SLC24A3: variants seen among roughly 807,000 people sequenced by gnomAD.
SLC24A3 encodes solute carrier family 24 member 3.
A neutral mutation model predicts 75.8 loss-of-function variants in SLC24A3; 28 were observed. The ratio of observed to expected loss-of-function variants is 0.37; its 90% CI spans 0.27 to 0.51. The LOEUF (loss-of-function observed/expected upper bound fraction) is 0.51, where lower values mean the gene tolerates loss of function less well. Ranked by LOEUF, SLC24A3 falls within the 20% of genes least tolerant of loss-of-function variation. The pLI, the probability that SLC24A3 is intolerant of heterozygous loss-of-function variation, is 0.94. For missense variants in SLC24A3, 663 were observed against 847.8 expected, an observed-to-expected ratio of 0.78 and a Z score of 2.71; for synonymous variants, 372 against 334.1, an observed-to-expected ratio of 1.11 and a Z score of -1.24.
chr20:19,647,405 A>T (rs1300938212), intron 6 of SLC24A3, among the ~76,000 whole-genome samples: 1 of 152,230 alleles, frequency 6.6e-6, no homozygotes, highest in Non-Finnish European at 1.5e-5. Context: ...CATTTATTCA[A>T]CAAATTTGTA....
At chr20:19,577,088 T>G (rs1208233024) in intron 3 of SLC24A3, among the ~76,000 whole-genome samples, 1 of 151,798 alleles carries the variant, frequency 6.6e-6, no homozygotes, top group Admixed American at 6.6e-5. Context: ...AGAGTCTCAC[T>G]CTGTCGCCGA....
chr20:19,213,923 G>A (rs1465342212), intron 1 of SLC24A3, among the ~76,000 whole-genome samples: 1 of 152,164 alleles, frequency 6.6e-6, no homozygotes, highest in East Asian at 1.9e-4. Context: ...GCCATGTAAA[G>A]GGTTGTGAGA....
intron 2 of SLC24A3, among the ~76,000 whole-genome samples, chr20:19,488,842 G>C (rs541855692): frequency 6.6e-6 from 1 of 152,206 alleles, no homozygotes; most frequent in Non-Finnish European, 1.5e-5. Context: ...TTTTGCACAT[G>C]AAACAAAGTT....
intron 2 of SLC24A3, among the ~76,000 whole-genome samples, chr20:19,509,930 G>T (rs1988512664): frequency 6.6e-6 from 1 of 152,216 alleles, no homozygotes; most frequent in African/African-American, 2.4e-5. Context: ...CCCAATTGAG[G>T]ACACTTTTCT....
At chr20:19,321,242 A>G (rs1011004708) in intron 2 of SLC24A3, among the ~76,000 whole-genome samples, 3 of 152,200 alleles carry the variant, frequency 2.0e-5, no homozygotes, top group African/African-American at 7.2e-5. Flanking sequence ...CCACAGTGTC[A>G]TTATCACACT....
Position 19,365,754 on chromosome 20 carries a change from T to A in SLC24A3, c.271+84667T>A, listed in dbSNP as rs78694710. Among the ~76,000 whole-genome samples, 80 of 152,304 alleles carry A rather than the reference T, an allele frequency of 5.3e-4. 1 individual carries two copies. Among genetic ancestry groups the A allele is most frequent in the Non-Finnish European group, 1.0e-3 (69 of 68,006 alleles). On this transcript the variant is annotated intron_variant, in intron 2 of 16. Transcript: ENST00000328041. The stretch of plus-strand genomic sequence containing the variant: ...AGGGTAGAGCTACCTCCAGCCTCAC[T>A]GCCCCCAGCCCATCTCTGAGGCTCC...
intron 2 of SLC24A3, among the ~76,000 whole-genome samples, chr20:19,488,904 A>C (rs1431730817): frequency 1.3e-5 from 2 of 152,200 alleles, no homozygotes; most frequent in African/African-American, 4.8e-5. Flanking sequence ...CAGCCCACCA[A>C]TGTGGCATTA....
chr20:19,650,492 A>G (rs1329572386), intron 6 of SLC24A3, among the ~76,000 whole-genome samples: 2 of 152,194 alleles, frequency 1.3e-5, no homozygotes, highest in African/African-American at 4.8e-5. Flanking sequence ...TTCTAAGGCA[A>G]CTGCTTTCCA....
Position 19,419,879 on chromosome 20 carries a change from C to T in SLC24A3, c.272-95609C>T, listed in dbSNP as rs977687378. Among the ~76,000 whole-genome samples, 7 of 138,872 alleles carry T rather than the reference C, an allele frequency of 5.0e-5. No individual in the cohort carries two copies. The Admixed American group carries it at 5.1e-4, about 10-fold the overall frequency. 91.1% of individuals were successfully genotyped at this position (138,872 alleles called of 152,430 possible). A position where few individuals can be genotyped will look rare whatever the true frequency, so the allele number is the denominator to read the frequency against. ...TTTTAGGGTACATGTGCACATTGTGCAGGTTAGTTACATATGTATACATGT... is the reference window on the plus strand; with the variant it reads ...TTTTAGGGTACATGTGCACATTGTGTAGGTTAGTTACATATGTATACATGT... On this transcript the variant is annotated intron_variant, in intron 2 of 16. Transcript: ENST00000328041.
At chr20:19,417,951 C>T (rs544323466) in intron 2 of SLC24A3, among the ~76,000 whole-genome samples, 1 of 152,148 alleles carries the variant, frequency 6.6e-6, no homozygotes, top group Non-Finnish European at 1.5e-5. Flanking sequence ...TTGGGAGAAA[C>T]CAATCTGCTC....
At chr20:19,440,844 C>T in intron 2 of SLC24A3, among the ~76,000 whole-genome samples, 1 of 151,852 alleles carries the variant, frequency 6.6e-6, no homozygotes, top group East Asian at 1.9e-4. Flanking sequence ...GGTGGAGGGC[C>T]CTGGGTGAGG....
At chr20:19,333,831 C>T (rs538154393) in intron 2 of SLC24A3, among the ~76,000 whole-genome samples, 40 of 152,230 alleles carry the variant, frequency 2.6e-4, no homozygotes, top group Non-Finnish European at 4.3e-4. Context: ...CTCCACCACA[C>T]ATGACTTGGT....
In SLC24A3 at chr20:19,440,474, C is replaced by T. The variant is rs983029848; in HGVS notation, c.272-75014C>T. 5.3e-5 allele frequency among the ~76,000 whole-genome samples: 8 copies of T among 152,272 alleles called. No homozygotes were observed. In the East Asian group the frequency reaches 5.8e-4, roughly 11 times the overall value. On this transcript the variant is annotated intron_variant, in intron 2 of 16. Transcript: ENST00000328041. Reference sequence around the variant, plus strand: ...CAGAAAAGTAATACCCCAGCCCCTACGGTGTTTCCTAGCAAGGGACAAACT... The same window carrying T: ...CAGAAAAGTAATACCCCAGCCCCTATGGTGTTTCCTAGCAAGGGACAAACT...
chr20:19,543,584 G>A (rs1160100012), intron 3 of SLC24A3, among the ~76,000 whole-genome samples: 1 of 152,132 alleles, frequency 6.6e-6, no homozygotes, highest in Non-Finnish European at 1.5e-5. Flanking sequence ...CTGCATGAGA[G>A]GTCTCCCCAC....
chr20:19,357,673 A>G (rs961304941), intron 2 of SLC24A3, among the ~76,000 whole-genome samples: 4 of 152,090 alleles, frequency 2.6e-5, no homozygotes, highest in African/African-American at 9.7e-5. Flanking sequence ...AAAAGTCCTT[A>G]CTGTCCTGAA....
In SLC24A3 at chr20:19,341,641, C is replaced by T. The variant is rs535518078; in HGVS notation, c.271+60554C>T. Among the ~76,000 whole-genome samples, 3 of 152,316 alleles carry T rather than the reference C, an allele frequency of 2.0e-5. No homozygotes were observed. In the East Asian group the frequency reaches 5.8e-4, roughly 29 times the overall value. ...CTTCACTCAGCAACTGGGCACAGCT[C>T]CCAGCCACCCAGGAACGCTAATTTG... On this transcript the variant is annotated intron_variant, in intron 2 of 16. Transcript: ENST00000328041.
In SLC24A3 at chr20:19,403,083, G is replaced by A. The variant is rs146600036; in HGVS notation, c.272-112405G>A. ...ATTCCCCCAGGTAATGTGAGATGTCGTGAAGGAGCCACTGGCCTCCTATTT... is the reference window on the plus strand; with the variant it reads ...ATTCCCCCAGGTAATGTGAGATGTCATGAAGGAGCCACTGGCCTCCTATTT... On this transcript the variant is annotated intron_variant, in intron 2 of 16. Transcript: ENST00000328041. Among the ~76,000 whole-genome samples the A allele has an allele frequency of 4.5e-3, 691 of 152,294 alleles. 6 individuals are homozygous for A. The highest frequency in any genetic ancestry group is 0.015 in the African/African-American group (644 of 41,550).
rs562826679 is a variant in SLC24A3 at position 19,585,504 on chromosome 20, T to G, written c.572T>G (p.Ile191Ser). 6.2e-7 allele frequency: 1 copy of G among 1,614,154 alleles called. No homozygotes were observed. Among genetic ancestry groups the G allele is most frequent in the African/African-American group, 1.3e-5 (1 of 75,044 alleles). Reference sequence around the variant, plus strand: ...ATCGTGGGCTCAGCGGTATTCAACATCCTGTGCATCATTGGTGTCTGTGGG... The same window carrying G: ...ATCGTGGGCTCAGCGGTATTCAACAGCCTGTGCATCATTGGTGTCTGTGGG... Reference protein sequence around the residue: ...GTIVGSAVFNILCIIGVCGLF... With the variant: ...GTIVGSAVFNSLCIIGVCGLF... Residue 191 changes from isoleucine to serine, a missense_variant, in exon 6 of 17, where the codon ATC becomes AGC. Around this residue, in one of 2 missense-constraint regions of SLC24A3, gnomAD observed 510 missense variants for 703.6 expected, o/e 0.72. Transcript: ENST00000328041.
At chr20:19,503,723 T>C (rs1255340534) in intron 2 of SLC24A3, among the ~76,000 whole-genome samples, 1 of 152,236 alleles carries the variant, frequency 6.6e-6, no homozygotes, top group African/African-American at 2.4e-5. Context: ...TGTCTGCTTA[T>C]TTATGTCTTC....
Sources: gnomAD v4.1 joint callset for allele counts (sites outside exome capture counted in the v4.1 genomes callset) on GRCh38, gnomAD v4.1.1 for gene constraint, gnomAD v4.1.1 regional missense constraint, MANE v1.5 for transcripts, NCBI Gene and HGNC (gene_info 2026-07-23, HGNC 2026-07-21) for gene names.